Variants in WDR75 observed in about 807,000 individuals in gnomAD.
WDR75 encodes the protein WD repeat-containing protein 75.
A neutral mutation model predicts 106.1 loss-of-function variants in WDR75; 52 were observed. The observed-to-expected ratio is 0.49, with a 90% confidence interval of 0.39 to 0.62. WDR75 has a LOEUF of 0.62. Among genes scored for constraint, WDR75 ranks in the 20% least tolerant of loss-of-function variants. WDR75 has a pLI of 0.00. For synonymous variants in WDR75, 333 were observed against 335.5 expected, an observed-to-expected ratio of 0.99 and a Z score of 0.08; for missense variants, 905 against 970.3, an observed-to-expected ratio of 0.93 and a Z score of 0.89.
intron 5 of WDR75, among the ~76,000 whole-genome samples, chr2:189,456,934 G>A (rs1171412043): frequency 1.3e-5 from 2 of 151,928 alleles, no homozygotes; most frequent in Non-Finnish European, 2.9e-5. Flanking sequence ...CTTTTGTGGG[G>A]GAGTGTTTCT....
At chr2:189,467,711 C>A in intron 14 of WDR75, 63 bp downstream of exon 14, 3 of 1,430,750 alleles carry the variant, frequency 2.1e-6, no homozygotes, top group Non-Finnish European at 2.8e-6. Flanking sequence ...AGTCTTAAAA[C>A]TTTAGTAGTC....
intron 1 of WDR75, among the ~76,000 whole-genome samples, chr2:189,447,406 T>C (rs188530144): frequency 1.3e-5 from 2 of 152,328 alleles, no homozygotes; most frequent in East Asian, 3.9e-4. Flanking sequence ...ATAAAGTCTT[T>C]GTATTTTTCT....
chr2:189,463,850 G>A lies in WDR75; in HGVS notation c.1002G>A (p.Arg334=), dbSNP rs762725054. The A allele has an allele frequency of 5.0e-6, 8 of 1,613,710 alleles. 2 individuals are homozygous for A. The South Asian group carries it at 8.8e-5, about 18-fold the overall frequency. ...SAVIQGLVKD[R]SIFTGLMIDP... is the part of the protein sequence containing the mutation. ...TATTTGTCACCACTTCTGCAGATAG[G>A]AGTATCTTCACTGGTTTGATGATTG... The change falls in exon 11 of 21, where the codon AGG becomes AGA. Residue 334 remains arginine (R), a synonymous_variant. Transcript: ENST00000314761.
intron 2 of WDR75, chr2:189,449,667 G>C (rs1686575188): frequency 1.0e-6 from 1 of 1,002,562 alleles, no homozygotes; most frequent in African/African-American, 1.7e-5. Context: ...AGGAGTCACA[G>C]TGTTTGTGTA....
intron 1 of WDR75, among the ~76,000 whole-genome samples, chr2:189,446,598 TAATAA>T (rs1192586279): frequency 1.3e-5 from 2 of 152,220 alleles, no homozygotes; most frequent in Non-Finnish European, 2.9e-5. Flanking sequence ...TGTCTTGAAC[TAATAA>T]AATAGGATAG....
At chr2:189,459,217 A>G (rs1686809742) in intron 7 of WDR75, 119 bp from the exon 8 acceptor site, 1 of 735,900 alleles carries the variant, frequency 1.4e-6, no homozygotes. Context: ...TTAAGACCAG[A>G]AGCCTTTATA....
intron 7 of WDR75, 131 bp downstream of exon 7, chr2:189,459,003 T>TA (rs1390409078): frequency 4.2e-6 from 5 of 1,179,686 alleles, no homozygotes; most frequent in African/African-American, 3.2e-5. Context: ...ATTTCATACT[T>TA]ACTGTTTTAG....
rs1336878148 is a variant in WDR75, at chr2:189,441,539, A to T, written c.47A>T (p.Glu16Val). ...CGCGTGGTTCGTTGTGGCGGCAGCG[A>T]GTTGAACTTTAGGAGAGCTGTGTTC... is the stretch of plus-strand genomic sequence containing the variant. ...NIRVVRCGGSELNFRRAVFSA... is the reference protein window; with the variant it reads ...NIRVVRCGGSVLNFRRAVFSA... Residue 16 changes from glutamate to valine, a missense_variant, in exon 1 of 21, where the codon GAG becomes GTG. Glu to Val is a moderately radical substitution (Grantham distance 121). Transcript: ENST00000314761. 6.4e-7 allele frequency: 1 copy of T among 1,564,336 alleles called. No individual in the cohort carries two copies. The highest frequency in any genetic ancestry group is 8.7e-7 in the Non-Finnish European group (1 of 1,153,354).
intron 1 of WDR75, 80 bp downstream of exon 1, chr2:189,441,658 G>C (rs1356608249): frequency 4.1e-6 from 6 of 1,469,846 alleles, no homozygotes; most frequent in Non-Finnish European, 5.6e-6. Flanking sequence ...ATTGTCAGTC[G>C]CGTTCGGACT....
intron 1 of WDR75, among the ~76,000 whole-genome samples, chr2:189,446,662 C>T (rs1056125513): frequency 3.3e-5 from 5 of 152,292 alleles, no homozygotes; most frequent in Admixed American, 2.0e-4. Context: ...TACAGTAGCT[C>T]TCCCTTGTCC....
chr2:189,457,563 C>T (rs1270884530), intron 6 of WDR75, among the ~76,000 whole-genome samples, 182 bp downstream of exon 6: 1 of 152,112 alleles, frequency 6.6e-6, no homozygotes, highest in Non-Finnish European at 1.5e-5. Flanking sequence ...TACTATTAGT[C>T]ACCAAAACCT....
At chr2:189,460,005 C>T (rs1184005678) in intron 8 of WDR75, among the ~76,000 whole-genome samples, 1 of 152,192 alleles carries the variant, frequency 6.6e-6, no homozygotes, top group Non-Finnish European at 1.5e-5. Context: ...TGCATGACTT[C>T]TGTCACAGCT....
chr2:189,466,120 A>T (rs982112963), intron 12 of WDR75, among the ~76,000 whole-genome samples: 1 of 152,124 alleles, frequency 6.6e-6, no homozygotes, highest in African/African-American at 2.4e-5. Flanking sequence ...ACAGAGTTTG[A>T]TACAGTAGGC....
rs1686599960 is a variant in WDR75, at chr2:189,450,680, CCTCT to C, written c.217-218_217-215del. 5.2e-6 allele frequency: 7 copies of C among 1,341,132 alleles called. No individual in the cohort carries two copies. In the East Asian group the frequency reaches 1.3e-4, roughly 25 times the overall value. The allele number at this position is 1,341,132 out of a possible 1,614,324, so 83.1% of individuals were successfully genotyped here. On this transcript the variant is annotated intron_variant, in intron 2 of 20. Transcript: ENST00000314761. ...TTCAAGACAGAAAGTTGGCTTTTTTCCTCTCTCTTTTAGTTAAAACTTGAAATGG... is the reference window on the plus strand; with the variant it reads ...TTCAAGACAGAAAGTTGGCTTTTTTCCTCTTTTAGTTAAAACTTGAAATGG...
chr2:189,467,784 G>C, intron 14 of WDR75, 136 bp downstream of exon 14: 1 of 758,922 alleles, frequency 1.3e-6, no homozygotes, highest in South Asian at 3.3e-5. Flanking sequence ...CAAAATGCTG[G>C]AAAGCCAAAA....
intron 20 of WDR75, 149 bp downstream of exon 20, chr2:189,474,957 A>C: frequency 1.3e-6 from 1 of 765,882 alleles, no homozygotes; most frequent in Non-Finnish European, 2.1e-6. Context: ...TTATTAAGTC[A>C]AGTAACATAC....
intron 1 of WDR75, among the ~76,000 whole-genome samples, chr2:189,441,926 GT>G (rs2106106590): frequency 6.6e-6 from 1 of 152,302 alleles, no homozygotes; most frequent in Non-Finnish European, 1.5e-5. Context: ...ACAGAATCAT[GT>G]TTTGGAGTGA....
rs1252402762 is a variant in WDR75, at chr2:189,469,431, G to A, written c.1811G>A (p.Gly604Asp). Residue 604 changes from glycine to aspartate, a missense_variant, in exon 16 of 21, where the codon GGT becomes GAT. Transcript: ENST00000314761. Reference protein sequence around the residue: ...NIAAISQSSVGSDLFVFKPSE... With the variant: ...NIAAISQSSVDSDLFVFKPSE... The stretch of plus-strand genomic sequence containing the variant: ...GCTGCAATCTCTCAGTCTTCAGTGG[G>A]TTCAGACTGTAAGTACAAACCACAC... 8 of 1,610,646 alleles carry A rather than the reference G, an allele frequency of 5.0e-6. No homozygotes were observed. The highest frequency in any genetic ancestry group is 6.8e-6 in the Non-Finnish European group (8 of 1,177,082).
chr2:189,441,768 C>T (rs1237805464), intron 1 of WDR75, among the ~76,000 whole-genome samples, 190 bp downstream of exon 1: 2 of 152,112 alleles, frequency 1.3e-5, no homozygotes, highest in Non-Finnish European at 2.9e-5. Flanking sequence ...TGGGTTGCGT[C>T]CCCCGATTCC....
Sources: gnomAD v4.1 joint callset for allele counts (sites outside exome capture counted in the v4.1 genomes callset) on GRCh38, gnomAD v4.1.1 for gene constraint, MANE v1.5 for transcripts, NCBI Gene and HGNC (gene_info 2026-07-23, HGNC 2026-07-21) for gene names.